The following GSG1L variants were observed in gnomAD, a reference collection of about 807,000 sequenced individuals.
GSG1L encodes GSG1 like.
In GSG1L, 24 loss-of-function variants were observed where a neutral mutation model predicts 42.1. The observed-to-expected ratio is 0.57, with a 90% CI of 0.41 to 0.80. The LOEUF is 0.80. GSG1L is among the 30% of genes least tolerant of loss of function. GSG1L has a pLI of 0.00. For missense variants in GSG1L, 445 were observed against 472.2 expected (o/e 0.94, Z 0.53); for synonymous variants, 215 against 203.5 (o/e 1.06, Z -0.48).
At position 27,925,810 on chromosome 16, in the gene GSG1L, G is replaced by C. The variant is rs2141067679; in HGVS notation, c.397+37346C>G. Among the ~76,000 whole-genome samples, 3 of 152,320 alleles carry C rather than the reference G, an allele frequency of 2.0e-5. No individual in the cohort carries two copies. The Middle Eastern group carries it at 0.01, about 518-fold the overall frequency. ...TCATTAACCAAGCCCCCAAAGGAGA[G>C]AAAACAGAGGATCTACCAAGAATAG... On this transcript the variant is annotated intron_variant, in intron 2 of 6. Coordinates refer to ENST00000447459, the MANE Select transcript of GSG1L (RefSeq NM_001109763.2).
intron 1 of GSG1L, among the ~76,000 whole-genome samples, chr16:27,979,320 C>T (rs1056718160): frequency 1.7e-4 from 26 of 151,932 alleles, no homozygotes; most frequent in Non-Finnish European, 2.6e-4. Context: ...AATCCCAGCA[C>T]TTTGGAAGGC....
At chr16:27,893,470 G>C (rs1298384880) in intron 2 of GSG1L, among the ~76,000 whole-genome samples, 1 of 152,182 alleles carries the variant, frequency 6.6e-6, no homozygotes, top group Non-Finnish European at 1.5e-5. Context: ...CAGTAAATGA[G>C]ACAATACCTG....
intron 4 of GSG1L, among the ~76,000 whole-genome samples, chr16:27,835,137 A>G (rs1366839755): frequency 3.3e-5 from 5 of 151,866 alleles, no homozygotes. Flanking sequence ...GAATTTTCCT[A>G]TTTCTCCTTT....
intron 1 of GSG1L, among the ~76,000 whole-genome samples, chr16:27,975,785 A>T (rs1157155346): frequency 6.6e-6 from 1 of 152,212 alleles, no homozygotes; most frequent in African/African-American, 2.4e-5. Context: ...TTATATTCAC[A>T]CAGTTGTATC....
intron 2 of GSG1L, among the ~76,000 whole-genome samples, chr16:27,949,695 G>A (rs2084929602): frequency 6.6e-6 from 1 of 152,172 alleles, no homozygotes. Context: ...GGAGGCCGAG[G>A]CGGGCGGATC....
Position 27,790,310 on chromosome 16 carries a change from G to T in GSG1L, c.*1060C>A, listed in dbSNP as rs1183097495. ...AAGGAGAAGAATATATTCTACGTGG[G>T]GAAAAGCTCTAGAAATTCTTCTGGG... On this transcript the variant is annotated 3_prime_UTR_variant, in exon 7 of 7. Transcript: ENST00000447459. 1 of 152,156 alleles carries T rather than the reference G, an allele frequency of 6.6e-6. No homozygotes were observed. The highest frequency in any genetic ancestry group is 2.4e-5 in the African/African-American group (1 of 41,416). The allele number at this position is 152,156 out of a possible 1,614,324, so 9.4% of individuals were successfully genotyped here. A position where few individuals can be genotyped will look rare whatever the true frequency, so the allele number is the denominator to read the frequency against.
Position 27,873,875 on chromosome 16 carries a change from A to G in GSG1L, c.550+10611T>C, listed in dbSNP as rs1018180929. Among the ~76,000 whole-genome samples the G allele has an allele frequency of 3.9e-5, 6 of 152,320 alleles. No homozygotes were observed. The South Asian group carries it at 8.3e-4, about 21-fold the overall frequency. ...CAGAGGGGTGAAATCTGTAGCATCT[A>G]AAACACACAGGGACTCCCCATAGAG... is the stretch of plus-strand genomic sequence containing the variant. On this transcript the variant is annotated intron_variant, in intron 3 of 6. Coordinates refer to ENST00000447459, the MANE Select transcript of GSG1L (RefSeq NM_001109763.2).
At position 27,928,512 on chromosome 16, in the gene GSG1L, GAAAAGAAAACAAAAC is replaced by G. The variant is rs1438846977; in HGVS notation, c.397+34629_397+34643del. ...AAAGTTCTTGTGAGTGGAAAGAAAA[GAAAAGAAAACAAAAC>G]AAAACAAAACAAAACAAAAAAGCCC... On this transcript the variant is annotated intron_variant, in intron 2 of 6. Coordinates refer to ENST00000447459, the MANE Select transcript of GSG1L (RefSeq NM_001109763.2). Among the ~76,000 whole-genome samples the G allele has an allele frequency of 1.8e-4, 21 of 113,958 alleles. No homozygotes were observed. In the East Asian group the frequency reaches 3.6e-3, roughly 19 times the overall value. 74.8% of individuals were successfully genotyped at this position (113,958 alleles called of 152,430 possible).
At chr16:28,056,776 A>G (rs2086283847) in intron 1 of GSG1L, among the ~76,000 whole-genome samples, 1 of 152,050 alleles carries the variant, frequency 6.6e-6, no homozygotes, top group Non-Finnish European at 1.5e-5. Context: ...GCTTGTCCTC[A>G]GGGAGCCAGC....
At position 27,979,765 on chromosome 16, in the gene GSG1L, A is replaced by AGAAAGAAAGAAG. The variant is rs1365762620; in HGVS notation, c.350-16563_350-16562insCTTCTTTCTTTC. Among the ~76,000 whole-genome samples the AGAAAGAAAGAAG allele has an allele frequency of 2.9e-5, 4 of 138,236 alleles. No individual in the cohort carries two copies. In the East Asian group the frequency reaches 8.8e-4, roughly 30 times the overall value. 90.7% of individuals were successfully genotyped at this position (138,236 alleles called of 152,430 possible). ...AGAAAGAAAGGAAAGAAAGAAAGAA[A>AGAAAGAAAGAAG]GAAGGAAAGAAAGAAAGAAAAAGAA... On this transcript the variant is annotated intron_variant, in intron 1 of 6. Coordinates refer to ENST00000447459, the MANE Select transcript of GSG1L (RefSeq NM_001109763.2).
At chr16:27,806,735 T>C (rs1203263206) in intron 6 of GSG1L, among the ~76,000 whole-genome samples, 2 of 152,152 alleles carry the variant, frequency 1.3e-5, no homozygotes, top group African/African-American at 4.8e-5. Flanking sequence ...GCACTGACTG[T>C]GTCTGCTGTG....
intron 3 of GSG1L, among the ~76,000 whole-genome samples, chr16:27,848,729 C>T (rs1370701062): frequency 6.6e-6 from 1 of 152,028 alleles, no homozygotes; most frequent in African/African-American, 2.4e-5. Context: ...GGCACTTCAG[C>T]CTGGGTGGTT....
chr16:28,006,642 C>T (rs1213820344), intron 1 of GSG1L, among the ~76,000 whole-genome samples: 1 of 152,108 alleles, frequency 6.6e-6, no homozygotes, highest in African/African-American at 2.4e-5. Context: ...GTGAGACTGT[C>T]CTGGATTCCG....
At chr16:28,028,520 A>G (rs2085924567) in intron 1 of GSG1L, among the ~76,000 whole-genome samples, 1 of 151,960 alleles carries the variant, frequency 6.6e-6, no homozygotes, top group Non-Finnish European at 1.5e-5. Flanking sequence ...CAATAAGAAT[A>G]ATATTAATAA....
intron 1 of GSG1L, among the ~76,000 whole-genome samples, chr16:27,970,881 G>A (rs762177590): frequency 1.4e-4 from 22 of 152,074 alleles, no homozygotes; most frequent in African/African-American, 3.9e-4. Flanking sequence ...GTGGATATCC[G>A]GTTGTCTCAG....
chr16:28,032,689 A>C (rs1283540086), intron 1 of GSG1L, among the ~76,000 whole-genome samples: 1 of 152,180 alleles, frequency 6.6e-6, no homozygotes, highest in Non-Finnish European at 1.5e-5. Context: ...AGTCTTCTCT[A>C]TCTCAGTAAT....
chr16:27,914,937 A>G (rs895520936), intron 2 of GSG1L, among the ~76,000 whole-genome samples: 5 of 152,238 alleles, frequency 3.3e-5, no homozygotes, highest in Admixed American at 6.5e-5. Context: ...GGCAGGTGAC[A>G]TTCTTCTGCC....
At chr16:27,825,005 A>G (rs1444523043) in intron 5 of GSG1L, among the ~76,000 whole-genome samples, 1 of 152,242 alleles carries the variant, frequency 6.6e-6, no homozygotes, top group Non-Finnish European at 1.5e-5. Flanking sequence ...GATGAGCCGC[A>G]TGCCAGGTTA....
intron 2 of GSG1L, among the ~76,000 whole-genome samples, chr16:27,960,774 A>G (rs951785324): frequency 6.6e-6 from 1 of 152,126 alleles, no homozygotes; most frequent in African/African-American, 2.4e-5. Flanking sequence ...CGAGAGCTAC[A>G]GTGTTTGAGA....
Sources: allele counts gnomAD v4.1 joint callset (sites outside exome capture counted in the v4.1 genomes callset), GRCh38; gene constraint gnomAD v4.1.1; transcripts MANE v1.5; gene names NCBI Gene and HGNC (gene_info 2026-07-23, HGNC 2026-07-21).